Variants in EXD1 observed in about 807,000 individuals in gnomAD.
EXD1 encodes the protein exonuclease 3'-5' domain containing 1.
Under a neutral mutation model 49.1 loss-of-function variants are expected in EXD1, and 63 were observed. The ratio of observed to expected loss-of-function variants is 1.28; its 90% confidence interval spans 1.05 to 1.58. EXD1 has a LOEUF of 1.58. Among genes scored for constraint, EXD1 ranks in the 40% most tolerant of loss-of-function variants. The pLI is 0.00. For missense variants in EXD1, 748 were observed against 666.0 expected (o/e 1.12, Z -1.36); for synonymous variants, 234 against 239.2 (o/e 0.98, Z 0.20).
In EXD1 at chr15:41,192,873, G is replaced by A. The variant is rs374394372; in HGVS notation, c.721-1288C>T. ...TGCTGTGGCGCGATCTCGGCTCACTGCAAGCTCCGCCTCCCGGGTTCACGC... is the reference window on the plus strand; with the variant it reads ...TGCTGTGGCGCGATCTCGGCTCACTACAAGCTCCGCCTCCCGGGTTCACGC... On this transcript the variant is annotated intron_variant, in intron 9 of 11. Transcript: ENST00000458580. 2.3e-4 allele frequency among the ~76,000 whole-genome samples: 33 copies of A among 143,520 alleles called. No individual in the cohort carries two copies. In the East Asian group the frequency reaches 2.5e-3, roughly 11 times the overall value. The allele number at this position is 143,520 out of a possible 152,430, so 94.2% of individuals were successfully genotyped here.
In EXD1 at chr15:41,230,479, C is replaced by A; in HGVS notation, c.-54G>T. 6.2e-7 allele frequency: 1 copy of A among 1,613,584 alleles called. No homozygotes were observed. The highest frequency in any genetic ancestry group is 8.5e-7 in the Non-Finnish European group (1 of 1,179,492). ...AAGGAACTTCAAATAAATGGCGGACCATAAGCTAGGAATTCACTGTCCTCC... is the reference window on the plus strand; with the variant it reads ...AAGGAACTTCAAATAAATGGCGGACAATAAGCTAGGAATTCACTGTCCTCC... On this transcript the variant is annotated splice_region_variant and 5_prime_UTR_variant, in exon 1 of 12. The change abolishes an upstream ATG in the 5' untranslated region. Transcript: ENST00000458580.
At chr15:41,192,605 T>C (rs2046542208) in intron 9 of EXD1, among the ~76,000 whole-genome samples, 1 of 92,572 alleles carries the variant, frequency 1.1e-5, no homozygotes. Context: ...TTTTTTTTTT[T>C]TTTTTTTTTT....
At chr15:41,191,872 G>C in intron 9 of EXD1, 1 of 247,740 alleles carries the variant, frequency 4.0e-6, no homozygotes, top group Non-Finnish European at 7.7e-6. Context: ...CACTTCCCAG[G>C]TTCAAGTAAT....
chr15:41,195,843 A>C lies in EXD1; in HGVS notation c.652T>G (p.Cys218Gly). The C allele has an allele frequency of 6.2e-7, 1 of 1,613,564 alleles. No individual in the cohort carries two copies. Among genetic ancestry groups the C allele is most frequent in the Non-Finnish European group, 8.5e-7 (1 of 1,179,906 alleles). Residue 218 changes from cysteine (C) to glycine (G), a missense_variant, in exon 9 of 12, where the codon TGT becomes GGT. Coordinates refer to ENST00000458580, the MANE Select transcript of EXD1 (RefSeq NM_001286441.2). Reference sequence around the variant, plus strand: ...GAGAGGCAATCAGAAAGCCAACGACAATCATGGATAACCTAAGGAATCAGA... The same window carrying C: ...GAGAGGCAATCAGAAAGCCAACGACCATCATGGATAACCTAAGGAATCAGA... ...DKRILKVIHDCRWLSDCLSHQ... is the reference protein window; with the variant it reads ...DKRILKVIHDGRWLSDCLSHQ...
At chr15:41,196,753 C>G (rs7178727) in intron 7 of EXD1, among the ~76,000 whole-genome samples, 151,463 of 151,604 alleles carry the variant, frequency 1, 75,661 homozygotes, top group Middle Eastern at 1. Flanking sequence ...TTTTTGTAGA[C>G]ATGGGGTTTC....
At chr15:41,190,990 C>T (rs916464202) in intron 10 of EXD1, among the ~76,000 whole-genome samples, 6 of 152,018 alleles carry the variant, frequency 3.9e-5, no homozygotes, top group African/African-American at 1.2e-4. Flanking sequence ...CTCAGCTCAC[C>T]GCAATGTCCA....
intron 7 of EXD1, among the ~76,000 whole-genome samples, chr15:41,203,832 G>A (rs1219073678): frequency 5.1e-5 from 7 of 136,552 alleles, no homozygotes; most frequent in East Asian, 2.3e-4. Flanking sequence ...CAGGAGAATC[G>A]CTTGAAACCA....
intron 9 of EXD1, 77 bp from the exon 10 acceptor site, chr15:41,191,662 G>C: frequency 6.6e-6 from 9 of 1,358,428 alleles, no homozygotes; most frequent in Non-Finnish European, 9.1e-6. Context: ...TATATTTAGA[G>C]AAATGTCTAA....
intron 2 of EXD1, among the ~76,000 whole-genome samples, chr15:41,222,272 T>G (rs544041653): frequency 6.6e-6 from 1 of 152,020 alleles, no homozygotes; most frequent in South Asian, 2.1e-4. Context: ...AAAAATTAGC[T>G]GGGTGCGGTG....
At chr15:41,210,529 C>CA (rs2046905829) in intron 6 of EXD1, among the ~76,000 whole-genome samples, 1 of 151,968 alleles carries the variant, frequency 6.6e-6, no homozygotes, top group South Asian at 2.1e-4. Context: ...ACAAAAAATA[C>CA]AAAAAATTAT....
At chr15:41,205,474 T>C (rs1363062114) in intron 7 of EXD1, among the ~76,000 whole-genome samples, 1 of 152,142 alleles carries the variant, frequency 6.6e-6, no homozygotes, top group African/African-American at 2.4e-5. Flanking sequence ...AGCTTAGTCA[T>C]AGGTATAAAG....
intron 2 of EXD1, among the ~76,000 whole-genome samples, chr15:41,220,417 C>T (rs1239809849): frequency 2.6e-5 from 4 of 152,128 alleles, no homozygotes; most frequent in Admixed American, 6.6e-5. Context: ...ACTACAGGCA[C>T]GAGCCACCAC....
chr15:41,219,221 C>T (rs971816382), intron 3 of EXD1, among the ~76,000 whole-genome samples: 10 of 152,212 alleles, frequency 6.6e-5, no homozygotes, highest in South Asian at 6.2e-4. Context: ...TTTGTGCTAG[C>T]AAAAATAAAG....
chr15:41,214,947 G>A (rs536707994), intron 6 of EXD1, among the ~76,000 whole-genome samples: 9 of 152,102 alleles, frequency 5.9e-5, no homozygotes, highest in Admixed American at 2.6e-4. Context: ...GGTTTTCACC[G>A]TGTTAGCCAG....
At chr15:41,206,474 G>GAAA (rs34195951) in intron 7 of EXD1, among the ~76,000 whole-genome samples, 2 of 87,172 alleles carry the variant, frequency 2.3e-5, no homozygotes, top group Admixed American at 1.3e-4. Context: ...ACCCTGTCTC[G>GAAA]AAAAAAAAAA....
Position 41,221,494 on chromosome 15 carries a change from G to A in EXD1, c.134-1596C>T, listed in dbSNP as rs145249125. 3.9e-3 allele frequency among the ~76,000 whole-genome samples: 594 copies of A among 151,112 alleles called. 7 individuals are homozygous for A. The highest frequency in any genetic ancestry group is 0.013 in the African/African-American group (552 of 41,232). ...TCACTATGTTGCCCAGGCTGGTCTC[G>A]AACTCCTGGGCTCAAGCCATCCTTC... On this transcript the variant is annotated intron_variant, in intron 2 of 11. Coordinates refer to ENST00000458580, the MANE Select transcript of EXD1 (RefSeq NM_001286441.2).
At chr15:41,220,543 C>G (rs2047072553) in intron 2 of EXD1, among the ~76,000 whole-genome samples, 1 of 152,130 alleles carries the variant, frequency 6.6e-6, no homozygotes, top group Non-Finnish European at 1.5e-5. Flanking sequence ...CAGGTGTGAG[C>G]CACCGCACCC....
rs1330021316 is a variant in EXD1 at position 41,199,868 on chromosome 15, T to TA, written c.535-3832dup. Among the ~76,000 whole-genome samples the TA allele has an allele frequency of 2.5e-3, 364 of 144,970 alleles. 1 individual carries two copies. The highest frequency in any genetic ancestry group is 8.7e-3 in the African/African-American group (345 of 39,488). On this transcript the variant is annotated intron_variant, in intron 7 of 11. Transcript: ENST00000458580. ...TATAATATGTCATATATATGATCTG[T>TA]ATATATATCATATATATATGATATA... is the stretch of plus-strand genomic sequence containing the variant.
At chr15:41,198,423 G>A (rs1194346704) in intron 7 of EXD1, among the ~76,000 whole-genome samples, 5 of 152,108 alleles carry the variant, frequency 3.3e-5, no homozygotes, top group Non-Finnish European at 5.9e-5. Flanking sequence ...GGGCAAGGTG[G>A]CTCACACCTG....
Sources: gnomAD v4.1 joint callset for allele counts (sites outside exome capture counted in the v4.1 genomes callset) on GRCh38, gnomAD v4.1.1 for gene constraint, MANE v1.5 for transcripts, NCBI Gene and HGNC (gene_info 2026-07-23, HGNC 2026-07-21) for gene names.